Variants in KAZN observed in about 807,000 individuals in gnomAD.
The protein encoded by KAZN is kazrin, periplakin interacting protein.
KAZN carries 40 observed loss-of-function variants against 87.4 expected under a neutral mutation model. That is an observed-to-expected ratio of 0.46 (90% CI 0.36 to 0.60). KAZN has a LOEUF of 0.60. Ranked by LOEUF, KAZN falls within the 20% of genes least tolerant of loss-of-function variation. The pLI, the probability that KAZN is intolerant of heterozygous loss-of-function variation, is 0.00. For synonymous variants in KAZN, 466 were observed against 458.3 expected, an observed-to-expected ratio of 1.02 and a Z score of -0.22; for missense variants, 898 against 1,073.9, an observed-to-expected ratio of 0.84 and a Z score of 2.29.
chr1:14,915,434 G>A (rs1230101996), intron 1 of KAZN, among the ~76,000 whole-genome samples: 1 of 152,120 alleles, frequency 6.6e-6, no homozygotes, highest in Admixed American at 6.6e-5. Flanking sequence ...TCACACGCAG[G>A]AAATGGAGAC....
intron 1 of KAZN, among the ~76,000 whole-genome samples, chr1:14,152,323 C>A (rs1359289236): frequency 6.6e-6 from 1 of 152,150 alleles, no homozygotes; most frequent in Non-Finnish European, 1.5e-5. Flanking sequence ...CCGTACCTCC[C>A]CCTGACCCTC....
intron 1 of KAZN, among the ~76,000 whole-genome samples, chr1:13,995,995 G>T (rs563466297): frequency 3.9e-5 from 6 of 152,202 alleles, no homozygotes; most frequent in East Asian, 1.9e-4. Context: ...ATAAGCATGT[G>T]AATCCTTTAC....
chr1:13,939,648 C>G (rs530016863), intron 1 of KAZN, among the ~76,000 whole-genome samples: 10 of 152,202 alleles, frequency 6.6e-5, no homozygotes, highest in Non-Finnish European at 1.3e-4. Context: ...TATAGCAATG[C>G]CCCACTCCTG....
intron 2 of KAZN, among the ~76,000 whole-genome samples, chr1:14,551,335 C>T (rs951333126): frequency 6.6e-6 from 1 of 152,130 alleles, no homozygotes; most frequent in African/African-American, 2.4e-5. Flanking sequence ...ATGTAGGGCT[C>T]CCCTCGTATG....
chr1:14,562,942 G>A (rs550423947), intron 2 of KAZN, among the ~76,000 whole-genome samples: 6 of 152,346 alleles, frequency 3.9e-5, no homozygotes, highest in South Asian at 2.1e-4. Context: ...ACTCATCTCC[G>A]AGGGGATTTG....
chr1:14,965,218 C>T (rs113835991), intron 2 of KAZN, among the ~76,000 whole-genome samples: 89 of 152,052 alleles, frequency 5.9e-4, no homozygotes, highest in African/African-American at 2.1e-3. Flanking sequence ...CGGAGGCTTG[C>T]CATGTTGCTC....
At chr1:15,006,432 G>A (rs7538631) in intron 2 of KAZN, among the ~76,000 whole-genome samples, 60,433 of 152,038 alleles carry the variant, frequency 0.4, 14,342 homozygotes, top group African/African-American at 0.67. Flanking sequence ...AGCCCGGGCC[G>A]GGCTGGTCCC....
chr1:14,740,570 G>A (rs1189447922), intron 1 of KAZN, among the ~76,000 whole-genome samples: 2 of 151,900 alleles, frequency 1.3e-5, no homozygotes, highest in Non-Finnish European at 1.5e-5. Flanking sequence ...GAATTACATT[G>A]TATGGTTCTC....
At chr1:14,142,684 T>C (rs1645265588) in intron 1 of KAZN, among the ~76,000 whole-genome samples, 1 of 152,238 alleles carries the variant, frequency 6.6e-6, no homozygotes, top group South Asian at 2.1e-4. Flanking sequence ...CAATGACATT[T>C]GTCTCACTTC....
chr1:14,018,348 C>T (rs1462445554), intron 1 of KAZN, among the ~76,000 whole-genome samples: 1 of 152,128 alleles, frequency 6.6e-6, no homozygotes, highest in Non-Finnish European at 1.5e-5. Context: ...TACTGACAAG[C>T]AAAATGAAGA....
intron 1 of KAZN, among the ~76,000 whole-genome samples, chr1:13,970,357 A>C (rs1642094614): frequency 2.0e-5 from 3 of 152,192 alleles, no homozygotes; most frequent in Non-Finnish European, 2.9e-5. Context: ...CTGTACTTTA[A>C]TTTTATGACA....
At chr1:14,210,176 A>G (rs1435841619) in intron 2 of KAZN, among the ~76,000 whole-genome samples, 2 of 152,170 alleles carry the variant, frequency 1.3e-5, no homozygotes, top group Non-Finnish European at 2.9e-5. Flanking sequence ...TAATTGAATC[A>G]TAGGGGTGGG....
intron 2 of KAZN, among the ~76,000 whole-genome samples, chr1:14,333,401 TAAG>T (rs1656990131): frequency 6.6e-6 from 1 of 152,150 alleles, no homozygotes; most frequent in Non-Finnish European, 1.5e-5. Context: ...GAAGTTTAAA[TAAG>T]AACTGGAAAA....
chr1:14,424,756 T>C (rs1665622412), intron 2 of KAZN, among the ~76,000 whole-genome samples: 1 of 152,208 alleles, frequency 6.6e-6, no homozygotes, highest in Admixed American at 6.5e-5. Flanking sequence ...TCCTATCTCC[T>C]ACATCTTTAG....
At chr1:14,533,154 G>A (rs564235879) in intron 2 of KAZN, among the ~76,000 whole-genome samples, 7 of 152,174 alleles carry the variant, frequency 4.6e-5, no homozygotes, top group Admixed American at 2.6e-4. Flanking sequence ...AGCTTTCCCT[G>A]TTTTTATACT....
intron 2 of KAZN, among the ~76,000 whole-genome samples, chr1:14,285,016 G>C (rs1442396813): frequency 6.6e-6 from 1 of 152,122 alleles, no homozygotes; most frequent in East Asian, 1.9e-4. Flanking sequence ...CTCCCCCTGG[G>C]TTGCTGAAAG....
intron 1 of KAZN, among the ~76,000 whole-genome samples, chr1:14,836,784 A>G (rs1239732322): frequency 1.3e-5 from 2 of 152,246 alleles, no homozygotes; most frequent in South Asian, 2.1e-4. Flanking sequence ...AAAATTTTTC[A>G]TTATATTCTA....
chr1:14,133,130 A>T (rs567411855), intron 1 of KAZN, among the ~76,000 whole-genome samples: 68 of 152,186 alleles, frequency 4.5e-4, no homozygotes, highest in Non-Finnish European at 9.1e-4. Context: ...GCACTTTGGG[A>T]GGCCAAGGTG....
chr1:14,333,537 TAGGTGCTTGGA>T (rs1656998538), intron 2 of KAZN, among the ~76,000 whole-genome samples: 3 of 152,204 alleles, frequency 2.0e-5, no homozygotes, highest in Non-Finnish European at 4.4e-5. Context: ...CACACTATTC[TAGGTGCTTGGA>T]ATGTGGCAGG....
Sources: allele counts gnomAD v4.1 joint callset (sites outside exome capture counted in the v4.1 genomes callset), GRCh38; gene constraint gnomAD v4.1.1; transcripts MANE v1.5; gene names NCBI Gene and HGNC (gene_info 2026-07-23, HGNC 2026-07-21).